The following KLHL18 variants were observed in gnomAD, a reference collection of about 807,000 sequenced individuals.
The protein encoded by KLHL18 is kelch like family member 18.
KLHL18 carries 38 observed loss-of-function variants against 58.5 expected under a neutral mutation model. The ratio of observed to expected loss-of-function variants is 0.65; its 90% confidence interval spans 0.50 to 0.85. The LOEUF is 0.85. Among genes scored for constraint, KLHL18 ranks in the 40% least tolerant of loss-of-function variants. The pLI is 0.00. For synonymous variants in KLHL18, 303 were observed against 301.9 expected (o/e 1.00, Z -0.04); for missense variants, 624 against 778.4 (o/e 0.80, Z 2.36).
At chr3:47,316,745 GTATATATGTATATGTGTGTGTA>G (rs1703460477) in intron 1 of KLHL18, among the ~76,000 whole-genome samples, 1 of 114,182 alleles carries the variant, frequency 8.8e-6, no homozygotes, top group African/African-American at 3.5e-5. Context: ...ACATATATAC[GTATATATGTATATGTGTGTGTA>G]TATATACATA....
At position 47,333,272 on chromosome 3, in the gene KLHL18, A is replaced by G. The variant is rs756890887; in HGVS notation, c.716A>G (p.Asp239Gly). 6 of 1,613,996 alleles carry G rather than the reference A, an allele frequency of 3.7e-6. No individual in the cohort carries two copies. In the East Asian group the frequency reaches 1.3e-4, roughly 36 times the overall value. Residue 239 changes from aspartate (D) to glycine (G), a missense_variant, in exon 5 of 10, where the codon GAC (aspartate) becomes GGC (glycine). Coordinates refer to ENST00000232766, the MANE Select transcript of KLHL18 (RefSeq NM_025010.5). ...CTCTGTCGGCCCCAGTTCCTTTCAGACAGAGTACAGCAGGATGACCTGGTG... is the reference window on the plus strand; with the variant it reads ...CTCTGTCGGCCCCAGTTCCTTTCAGGCAGAGTACAGCAGGATGACCTGGTG... Reference protein sequence around the residue: ...LPLCRPQFLSDRVQQDDLVRC... With the variant: ...LPLCRPQFLSGRVQQDDLVRC...
At chr3:47,320,769 A>T (rs1172482497) in intron 2 of KLHL18, among the ~76,000 whole-genome samples, 1 of 152,184 alleles carries the variant, frequency 6.6e-6, no homozygotes, top group African/African-American at 2.4e-5. Context: ...ATTGTTTTTA[A>T]TTAGCTGGGC....
chr3:47,331,656 C>T (rs1222668334), intron 4 of KLHL18, among the ~76,000 whole-genome samples: 8 of 150,362 alleles, frequency 5.3e-5, no homozygotes, highest in African/African-American at 2.0e-4. Context: ...TGTTCTCGAA[C>T]TCCTGACCTC....
chr3:47,335,975 G>C (rs772113340), intron 6 of KLHL18, among the ~76,000 whole-genome samples: 1 of 152,184 alleles, frequency 6.6e-6, no homozygotes, highest in Non-Finnish European at 1.5e-5. Flanking sequence ...GGGTTATTTT[G>C]TTTGATCATC....
At chr3:47,284,905 A>C (rs1044137107) in intron 1 of KLHL18, among the ~76,000 whole-genome samples, 1 of 150,976 alleles carries the variant, frequency 6.6e-6, no homozygotes, top group African/African-American at 2.4e-5. Flanking sequence ...TGCAACCTCC[A>C]CCTCCTGGCT....
At chr3:47,299,803 C>T (rs371974157) in intron 1 of KLHL18, among the ~76,000 whole-genome samples, 2 of 111,548 alleles carry the variant, frequency 1.8e-5, no homozygotes, top group East Asian at 3.1e-4. Context: ...CTCCAGCCTG[C>T]GTGACAGAGT....
intron 3 of KLHL18, among the ~76,000 whole-genome samples, chr3:47,326,393 C>T (rs898613142): frequency 1.3e-5 from 2 of 152,148 alleles, no homozygotes; most frequent in African/African-American, 4.8e-5. Flanking sequence ...TTCTTGCTTC[C>T]AAAGTCAAGC....
Position 47,344,209 on chromosome 3 carries a change from A to AC in KLHL18, c.*269dup, listed in dbSNP as rs543459849. 132 of 499,770 alleles carry AC rather than the reference A, an allele frequency of 2.6e-4. No individual in the cohort carries two copies. Among genetic ancestry groups the AC allele is most frequent in the Admixed American group, 1.4e-3 (36 of 25,892 alleles). 31.0% of individuals were successfully genotyped at this position (499,770 alleles called of 1,614,324 possible). A position where few individuals can be genotyped will look rare whatever the true frequency, so the allele number is the denominator to read the frequency against. On this transcript the variant is annotated 3_prime_UTR_variant, in exon 10 of 10. Coordinates refer to ENST00000232766, the MANE Select transcript of KLHL18 (RefSeq NM_025010.5). The stretch of plus-strand genomic sequence containing the variant: ...TGGAACTGTTTTCTGGTCCACATGA[A>AC]CACAGGCTCCATCCAGGCCCAGCTC...
At chr3:47,339,885 C>CA (rs547030168) in intron 7 of KLHL18, among the ~76,000 whole-genome samples, 202 of 140,154 alleles carry the variant, frequency 1.4e-3, no homozygotes, top group African/African-American at 2.5e-3. Context: ...GACCCTGTCT[C>CA]AAAAAAAAAA....
chr3:47,317,113 A>G (rs992608104), intron 1 of KLHL18, among the ~76,000 whole-genome samples: 1 of 152,126 alleles, frequency 6.6e-6, no homozygotes, highest in Non-Finnish European at 1.5e-5. Flanking sequence ...CTACTAGAAG[A>G]CACATTTTTA....
chr3:47,319,803 G>A lies in KLHL18; in HGVS notation c.260+20G>A. The A allele has an allele frequency of 1.2e-6, 2 of 1,611,110 alleles. No individual in the cohort carries two copies. The highest frequency in any genetic ancestry group is 1.7e-6 in the Non-Finnish European group (2 of 1,177,928). ...CCCAAGGTACTGAATCCCACCATTA[G>A]GTTTCGCAGGCTGCTTTCCAAGTGC... On this transcript the variant is annotated intron_variant, in intron 2 of 9. Coordinates refer to ENST00000232766, the MANE Select transcript of KLHL18 (RefSeq NM_025010.5).
rs796316283 is a variant in KLHL18 at position 47,316,505 on chromosome 3, A to ATGTG, written c.130-3147_130-3146insGTGT. Among the ~76,000 whole-genome samples the ATGTG allele has an allele frequency of 0.012, 55 of 4,590 alleles. 22 individuals are homozygous for ATGTG. In the South Asian group the frequency reaches 0.75, roughly 63 times the overall value. The allele number at this position is 4,590 out of a possible 152,430, so 3.0% of individuals were successfully genotyped here. A position where few individuals can be genotyped will look rare whatever the true frequency, so the allele number is the denominator to read the frequency against. On this transcript the variant is annotated intron_variant, in intron 1 of 9. Coordinates refer to ENST00000232766, the MANE Select transcript of KLHL18 (RefSeq NM_025010.5). The stretch of plus-strand genomic sequence containing the variant: ...TATACATATATACATATATATGTAT[A>ATGTG]TATATACATATATACATATATATGT...
Position 47,282,944 on chromosome 3 carries a change from G to T in KLHL18, c.-22G>T. The T allele has an allele frequency of 6.2e-7, 1 of 1,601,990 alleles. No individual in the cohort carries two copies. Among genetic ancestry groups the T allele is most frequent in the Admixed American group, 1.7e-5 (1 of 58,154 alleles). ...TGTCTAGCCGGCCGGCGAGGCCTGC[G>T]CAGTTGCAGCGGCCGGGGAAGATGG... On this transcript the variant is annotated 5_prime_UTR_variant, in exon 1 of 10. Transcript: ENST00000232766.
chr3:47,288,282 C>T (rs1296979091), intron 1 of KLHL18, among the ~76,000 whole-genome samples: 5 of 149,522 alleles, frequency 3.3e-5, no homozygotes, highest in Non-Finnish European at 7.4e-5. Flanking sequence ...TTAGCCTGCT[C>T]TTTACAAATG....
intron 8 of KLHL18, among the ~76,000 whole-genome samples, chr3:47,341,808 A>G (rs1704113967): frequency 6.6e-6 from 1 of 151,624 alleles, no homozygotes; most frequent in Non-Finnish European, 1.5e-5. Flanking sequence ...CTGTAATCCT[A>G]ACACTTTGGG....
chr3:47,304,749 C>T (rs61327025), intron 1 of KLHL18, among the ~76,000 whole-genome samples: 1 of 152,030 alleles, frequency 6.6e-6, no homozygotes, highest in East Asian at 1.9e-4. Flanking sequence ...TCAGGCCAGG[C>T]GCTGTGGCTC....
chr3:47,333,747 G>C (rs1342860779), intron 5 of KLHL18, among the ~76,000 whole-genome samples: 1 of 152,224 alleles, frequency 6.6e-6, no homozygotes, highest in Non-Finnish European at 1.5e-5. Flanking sequence ...GCCTCTGCCA[G>C]GTGTAGGCTT....
At position 47,346,444 on chromosome 3, in the gene KLHL18, T is replaced by G. The variant is rs1704227155; in HGVS notation, c.*2503T>G. ...AAATGGCTGGTCTGGCTCTTTGGTG[T>G]TGGAGCCTTTCCAATAGCCCCATGA... is the stretch of plus-strand genomic sequence containing the variant. On this transcript the variant is annotated 3_prime_UTR_variant, in exon 10 of 10. Transcript: ENST00000232766. The G allele has an allele frequency of 6.6e-6, 1 of 152,662 alleles. No individual in the cohort carries two copies. Among genetic ancestry groups the G allele is most frequent in the Admixed American group, 6.5e-5 (1 of 15,284 alleles). The allele number at this position is 152,662 out of a possible 1,614,324, so 9.5% of individuals were successfully genotyped here. A position where few individuals can be genotyped will look rare whatever the true frequency, so the allele number is the denominator to read the frequency against.
intron 1 of KLHL18, among the ~76,000 whole-genome samples, chr3:47,289,687 G>T (rs1239368761): frequency 6.6e-6 from 1 of 152,210 alleles, no homozygotes; most frequent in African/African-American, 2.4e-5. Context: ...GGGAAGTGAG[G>T]TGGGAGGATT....
Sources: allele counts gnomAD v4.1 joint callset (sites outside exome capture counted in the v4.1 genomes callset), GRCh38; gene constraint gnomAD v4.1.1; transcripts MANE v1.5; gene names NCBI Gene and HGNC (gene_info 2026-07-23, HGNC 2026-07-21).